The following SUGCT variants were observed in gnomAD, a reference collection of about 807,000 sequenced individuals.
SUGCT encodes the protein succinyl-CoA:glutarate CoA-transferase.
In SUGCT, 41 loss-of-function variants were observed where a neutral mutation model predicts 55.0. That is an observed-to-expected ratio of 0.74 (90% CI 0.58 to 0.97). SUGCT has a LOEUF of 0.97. Among genes scored for constraint, SUGCT ranks in the 50% least tolerant of loss-of-function variants. The pLI, the probability that SUGCT is intolerant of heterozygous loss-of-function variation, is 0.00. For synonymous variants in SUGCT, 187 were observed against 200.4 expected (o/e 0.93, Z 0.56); for missense variants, 568 against 547.8 (o/e 1.04, Z -0.37).
intron 11 of SUGCT, among the ~76,000 whole-genome samples, chr7:40,472,196 G>A (rs562881097): frequency 3.3e-5 from 5 of 152,162 alleles, no homozygotes; most frequent in South Asian, 4.1e-4. Context: ...GGAGTCCTAC[G>A]TAAATGTCTT....
chr7:40,287,496 T>G (rs1453217193), intron 8 of SUGCT, among the ~76,000 whole-genome samples: 1 of 146,992 alleles, frequency 6.8e-6, no homozygotes, highest in Non-Finnish European at 1.5e-5. Flanking sequence ...TTTCCCTTGA[T>G]ACTCTTTTTT....
intron 1 of SUGCT, among the ~76,000 whole-genome samples, chr7:40,140,020 A>G (rs1458356897): frequency 6.6e-6 from 1 of 151,652 alleles, no homozygotes; most frequent in Non-Finnish European, 1.5e-5. Context: ...CTCCTACCTT[A>G]TCCTCCCAAG....
Position 40,259,767 on chromosome 7 carries a change from G to T in SUGCT, c.577-14746G>T, listed in dbSNP as rs181192195. 6.7e-3 allele frequency among the ~76,000 whole-genome samples: 1,020 copies of T among 152,110 alleles called. 2 individuals are homozygous for T. Among genetic ancestry groups the T allele is most frequent in the Non-Finnish European group, 0.011 (772 of 67,988 alleles). Reference sequence around the variant, plus strand: ...TGTTATTTGTGAAGATTCTATTTTTGGTTTTATTCTCTAATTGCATCTTTT... The same window carrying T: ...TGTTATTTGTGAAGATTCTATTTTTTGTTTTATTCTCTAATTGCATCTTTT... On this transcript the variant is annotated intron_variant, in intron 7 of 13. Transcript: ENST00000335693.
chr7:40,588,888 A>G (rs1261639874), intron 12 of SUGCT, among the ~76,000 whole-genome samples: 3 of 152,114 alleles, frequency 2.0e-5, no homozygotes, highest in African/African-American at 7.2e-5. Context: ...TTTGCTTGCC[A>G]TTTTCCTTAG....
At chr7:40,383,098 T>G (rs537554911) in intron 9 of SUGCT, among the ~76,000 whole-genome samples, 15 of 152,198 alleles carry the variant, frequency 9.9e-5, no homozygotes, top group Non-Finnish European at 1.6e-4. Flanking sequence ...GATGTAGTCA[T>G]GGCCCTCTGG....
intron 8 of SUGCT, among the ~76,000 whole-genome samples, chr7:40,308,467 T>C (rs1794954429): frequency 6.6e-6 from 1 of 152,196 alleles, no homozygotes; most frequent in African/African-American, 2.4e-5. Flanking sequence ...TCATACACCA[T>C]AATGACCAGG....
intron 12 of SUGCT, among the ~76,000 whole-genome samples, chr7:40,560,256 A>G (rs1795767568): frequency 6.6e-6 from 1 of 152,132 alleles, no homozygotes; most frequent in Non-Finnish European, 1.5e-5. Context: ...ATACACACAC[A>G]TGTGCATGCA....
intron 12 of SUGCT, among the ~76,000 whole-genome samples, chr7:40,545,282 C>A (rs1041489066): frequency 6.6e-5 from 10 of 152,190 alleles, no homozygotes; most frequent in African/African-American, 2.4e-5. Context: ...CAGTGAAGGT[C>A]AATGAAAGGT....
At chr7:40,371,186 T>A (rs1218141147) in intron 9 of SUGCT, among the ~76,000 whole-genome samples, 2 of 152,216 alleles carry the variant, frequency 1.3e-5, no homozygotes, top group African/African-American at 4.8e-5. Context: ...TTCTCTCTTT[T>A]TTCTTAGTTA....
intron 9 of SUGCT, among the ~76,000 whole-genome samples, chr7:40,337,095 T>G (rs1796755784): frequency 1.3e-5 from 2 of 152,254 alleles, no homozygotes; most frequent in South Asian, 4.1e-4. Flanking sequence ...CTAGTTTGGT[T>G]GCACTGTGGT....
chr7:40,953,280 C>T, the SUGCT span, among the ~76,000 whole-genome samples: 11 of 152,162 alleles, frequency 7.2e-5, no homozygotes, highest in East Asian at 1.2e-3. Flanking sequence ...ATGTAGTTCT[C>T]GTGCCATGGT....
chr7:40,181,677 T>C (rs1198126699), intron 2 of SUGCT, among the ~76,000 whole-genome samples: 2 of 148,290 alleles, frequency 1.3e-5, no homozygotes, highest in Admixed American at 1.4e-4. Flanking sequence ...ACCCAGGAGG[T>C]GGAGCTTGCA....
chr7:40,791,458 G>T (rs1282520736), intron 13 of SUGCT, among the ~76,000 whole-genome samples: 1 of 152,158 alleles, frequency 6.6e-6, no homozygotes, highest in East Asian at 1.9e-4. Flanking sequence ...ATTTTATTCA[G>T]CAAATTCAGA....
chr7:40,651,405 G>A (rs1409831095), intron 12 of SUGCT, among the ~76,000 whole-genome samples: 1 of 149,284 alleles, frequency 6.7e-6, no homozygotes, highest in Non-Finnish European at 1.5e-5. Flanking sequence ...AGAAGTGTCT[G>A]TTCATGTCCT....
At chr7:40,592,262 G>T (rs932001649) in intron 12 of SUGCT, among the ~76,000 whole-genome samples, 1 of 152,188 alleles carries the variant, frequency 6.6e-6, no homozygotes, top group African/African-American at 2.4e-5. Flanking sequence ...AGGTCCCATA[G>T]GATAGGGATG....
At chr7:40,827,472 T>C (rs1325955607) in intron 13 of SUGCT, among the ~76,000 whole-genome samples, 1 of 152,172 alleles carries the variant, frequency 6.6e-6, no homozygotes, top group African/African-American at 2.4e-5. Flanking sequence ...TTTTAGAGGC[T>C]GAAGTGTCAT....
At chr7:40,804,566 TC>T (rs1401378831) in intron 13 of SUGCT, among the ~76,000 whole-genome samples, 1 of 126,794 alleles carries the variant, frequency 7.9e-6, no homozygotes. Flanking sequence ...CCATTACCCT[TC>T]TCAGAAAAAA....
chr7:40,491,539 T>C (rs886801280), intron 11 of SUGCT, among the ~76,000 whole-genome samples: 11 of 151,988 alleles, frequency 7.2e-5, no homozygotes, highest in African/African-American at 2.7e-4. Context: ...CTATGATACT[T>C]AGAAAAAGGG....
At chr7:40,684,222 C>G in intron 12 of SUGCT, 1 of 1,474,564 alleles carries the variant, frequency 6.8e-7, no homozygotes, top group South Asian at 1.5e-5. Context: ...AGGTTTGTGA[C>G]CTTAATTACA....
Sources: allele counts gnomAD v4.1 joint callset (sites outside exome capture counted in the v4.1 genomes callset), GRCh38; gene constraint gnomAD v4.1.1; transcripts MANE v1.5; gene names NCBI Gene and HGNC (gene_info 2026-07-23, HGNC 2026-07-21).